The following LINGO2 variants were observed in gnomAD, a reference collection of about 807,000 sequenced individuals.
LINGO2 encodes leucine-rich repeat and immunoglobulin-like domain-containing nogo receptor-interacting protein 2.
In LINGO2, 14 loss-of-function variants were observed where a neutral mutation model predicts 30.6. That is an observed-to-expected ratio of 0.46 (90% CI 0.30 to 0.72). The LOEUF is 0.72. LINGO2 is among the 30% of genes least tolerant of loss of function. The pLI is 0.07. For synonymous variants in LINGO2, 317 were observed against 288.5 expected, an observed-to-expected ratio of 1.10 and a Z score of -1.00; for missense variants, 729 against 751.7, an observed-to-expected ratio of 0.97 and a Z score of 0.35.
intron 4 of LINGO2, among the ~76,000 whole-genome samples, chr9:28,172,659 G>A (rs1434847253): frequency 6.6e-6 from 1 of 152,188 alleles, no homozygotes; most frequent in African/African-American, 2.4e-5. Context: ...GATGGAGAAA[G>A]GAGTTTCAGG....
chr9:28,817,931 T>C, the LINGO2 span, among the ~76,000 whole-genome samples: 1 of 152,318 alleles, frequency 6.6e-6, no homozygotes, highest in East Asian at 1.9e-4. Flanking sequence ...ATTTCTCTTT[T>C]AACAGGTTTC....
At chr9:29,006,531 T>A in the LINGO2 span, among the ~76,000 whole-genome samples, 1 of 151,990 alleles carries the variant, frequency 6.6e-6, no homozygotes, top group African/African-American at 2.4e-5. Context: ...AGATGAGACA[T>A]AAAAATCATT....
chr9:28,354,412 G>A (rs1234300819), intron 3 of LINGO2, among the ~76,000 whole-genome samples: 1 of 151,968 alleles, frequency 6.6e-6, no homozygotes, highest in African/African-American at 2.4e-5. Flanking sequence ...CCTACCAATG[G>A]CTCCCAAATT....
Position 28,047,651 on chromosome 9 carries a change from G to A in LINGO2, c.-86-35246C>T, listed in dbSNP as rs974563264. 4.0e-4 allele frequency among the ~76,000 whole-genome samples: 61 copies of A among 150,776 alleles called. 1 individual carries two copies. The highest frequency in any genetic ancestry group is 1.4e-3 in the Admixed American group (21 of 15,046). On this transcript the variant is annotated intron_variant, in intron 4 of 5. Coordinates refer to ENST00000379992, the Ensembl canonical transcript of LINGO2. ...GAGAGTTATGGTGATAGTAACGGTAGCTACCTTGTGGGAGGTCTTCTATGA... is the reference window on the plus strand; with the variant it reads ...GAGAGTTATGGTGATAGTAACGGTAACTACCTTGTGGGAGGTCTTCTATGA...
the LINGO2 span, among the ~76,000 whole-genome samples, chr9:28,714,079 A>C: frequency 6.6e-6 from 1 of 151,082 alleles, no homozygotes; most frequent in Admixed American, 6.6e-5. Flanking sequence ...GAATCGCTTG[A>C]ACCTGGGAGG....
chr9:28,461,821 T>C (rs1214766130), intron 2 of LINGO2, among the ~76,000 whole-genome samples: 1 of 152,164 alleles, frequency 6.6e-6, no homozygotes, highest in Non-Finnish European at 1.5e-5. Flanking sequence ...AGAAAAGTAA[T>C]TGTTGTGCAG....
chr9:28,086,372 C>T (rs940940384), intron 4 of LINGO2, among the ~76,000 whole-genome samples: 3 of 152,092 alleles, frequency 2.0e-5, no homozygotes, highest in African/African-American at 4.8e-5. Context: ...CATTCAAAGC[C>T]GCAAGTACAG....
chr9:28,178,430 ACTTT>A (rs1461466846), intron 4 of LINGO2, among the ~76,000 whole-genome samples: 9 of 152,128 alleles, frequency 5.9e-5, no homozygotes, highest in Admixed American at 4.6e-4. Context: ...TTCTGCAGAA[ACTTT>A]CTAAGTGTTA....
rs567606294 is a variant in LINGO2, at chr9:28,210,643, A to G, written c.-87+84565T>C. On this transcript the variant is annotated intron_variant, in intron 4 of 5. Coordinates refer to ENST00000379992, the Ensembl canonical transcript of LINGO2. ...GACAGAATTACAATCTTCTGCACCT[A>G]TGTAAATTTGTGTTTTATGTAGACG... 1.6e-4 allele frequency among the ~76,000 whole-genome samples: 25 copies of G among 151,748 alleles called. No individual in the cohort carries two copies. The South Asian group carries it at 5.0e-3, about 30-fold the overall frequency.
chr9:28,372,230 T>C (rs1395863559), intron 3 of LINGO2, among the ~76,000 whole-genome samples: 2 of 152,250 alleles, frequency 1.3e-5, no homozygotes, highest in Non-Finnish European at 2.9e-5. Flanking sequence ...ATGTTGTACT[T>C]TTCTGTCCAT....
chr9:28,211,943 G>C (rs1463321383), intron 4 of LINGO2, among the ~76,000 whole-genome samples: 1 of 147,922 alleles, frequency 6.8e-6, no homozygotes, highest in Non-Finnish European at 1.5e-5. Flanking sequence ...TTTTTTTATC[G>C]ATTACTTTCA....
chr9:28,083,937 G>A (rs1676584966), intron 4 of LINGO2, among the ~76,000 whole-genome samples: 2 of 152,146 alleles, frequency 1.3e-5, no homozygotes, highest in African/African-American at 4.8e-5. Context: ...TGTACACTGT[G>A]TGTCCACATC....
chr9:28,490,759 T>C (rs1826363610), intron 1 of LINGO2, among the ~76,000 whole-genome samples: 1 of 152,166 alleles, frequency 6.6e-6, no homozygotes, highest in Non-Finnish European at 1.5e-5. Flanking sequence ...TGGGATTGTA[T>C]AAATTAGTTT....
At chr9:28,303,009 C>T (rs1289927257) in intron 3 of LINGO2, among the ~76,000 whole-genome samples, 1 of 152,112 alleles carries the variant, frequency 6.6e-6, no homozygotes, top group Non-Finnish European at 1.5e-5. Context: ...ACAATAAATG[C>T]TCTGTATGTC....
chr9:28,974,383 G>A, the LINGO2 span, among the ~76,000 whole-genome samples: 3 of 152,180 alleles, frequency 2.0e-5, no homozygotes, highest in Non-Finnish European at 2.9e-5. Context: ...TCCAGCCTGG[G>A]CGACAGTGGA....
chr9:29,003,730 G>T, the LINGO2 span, among the ~76,000 whole-genome samples: 2 of 151,998 alleles, frequency 1.3e-5, no homozygotes, highest in South Asian at 2.1e-4. Flanking sequence ...AGGCTCCAGA[G>T]AATCGCCAAG....
chr9:28,756,482 T>C, the LINGO2 span, among the ~76,000 whole-genome samples: 3 of 151,958 alleles, frequency 2.0e-5, no homozygotes, highest in Admixed American at 6.6e-5. Flanking sequence ...TGGGGAACTG[T>C]TGGAAATGCA....
intron 4 of LINGO2, among the ~76,000 whole-genome samples, chr9:28,198,986 G>A (rs796698764): frequency 2.0e-5 from 3 of 151,982 alleles, no homozygotes; most frequent in African/African-American, 7.3e-5. Flanking sequence ...AAACATTATT[G>A]GAAGATTTGC....
the LINGO2 span, among the ~76,000 whole-genome samples, chr9:28,739,402 A>G: frequency 6.6e-6 from 1 of 152,028 alleles, no homozygotes; most frequent in Admixed American, 6.5e-5. Flanking sequence ...ACAGCCAAAA[A>G]GCTATTTGGA....
Sources: gnomAD v4.1 joint callset for allele counts (sites outside exome capture counted in the v4.1 genomes callset) on GRCh38, gnomAD v4.1.1 for gene constraint, MANE v1.5 for transcripts, NCBI Gene and HGNC (gene_info 2026-07-23, HGNC 2026-07-21) for gene names.